The following CREB5 variants were observed in gnomAD, a reference collection of about 807,000 sequenced individuals.
CREB5 encodes cyclic AMP-responsive element-binding protein 5.
Under a neutral mutation model 57.1 loss-of-function variants are expected in CREB5, and 19 were observed. That is an observed-to-expected ratio of 0.33 (90% CI 0.23 to 0.49). The LOEUF (loss-of-function observed/expected upper bound fraction) is 0.49. Among genes scored for constraint, CREB5 ranks in the 20% least tolerant of loss-of-function variants. The pLI, the probability that CREB5 is intolerant of heterozygous loss-of-function variation, is 0.99. For synonymous variants in CREB5, 238 were observed against 238.3 expected (o/e 1.00, Z 0.01); for missense variants, 579 against 671.6 (o/e 0.86, Z 1.52).
chr7:28,527,223 G>A (rs1044457462), intron 4 of CREB5, among the ~76,000 whole-genome samples: 3 of 152,182 alleles, frequency 2.0e-5, no homozygotes, highest in African/African-American at 4.8e-5. Flanking sequence ...AAAGCTGAAA[G>A]ACCAACTCTT....
intron 4 of CREB5, among the ~76,000 whole-genome samples, chr7:28,508,501 AAAGACC>A (rs1792575088): frequency 6.6e-6 from 1 of 152,248 alleles, no homozygotes; most frequent in Admixed American, 6.5e-5. Flanking sequence ...GATTGAAAGG[AAAGACC>A]AGTTAGGTAG....
chr7:28,407,483 C>G (rs1358666619), intron 1 of CREB5, among the ~76,000 whole-genome samples: 1 of 149,768 alleles, frequency 6.7e-6, no homozygotes, highest in East Asian at 2.0e-4. Context: ...TGAATTCAGG[C>G]AGGCTGACAC....
intron 1 of CREB5, among the ~76,000 whole-genome samples, chr7:28,311,866 T>A (rs76207787): frequency 0.02 from 3,073 of 152,256 alleles, 70 homozygotes; most frequent in Admixed American, 0.056. Flanking sequence ...GTCTCTGCCG[T>A]CTGCACTCCT....
chr7:28,562,895 G>A (rs1188033640), intron 4 of CREB5, among the ~76,000 whole-genome samples: 1 of 152,160 alleles, frequency 6.6e-6, no homozygotes, highest in Non-Finnish European at 1.5e-5. Flanking sequence ...TTTCTACCAA[G>A]TCACTTTCTA....
At chr7:28,359,472 G>A (rs1039709822) in intron 1 of CREB5, among the ~76,000 whole-genome samples, 1 of 152,170 alleles carries the variant, frequency 6.6e-6, no homozygotes, top group Non-Finnish European at 1.5e-5. Context: ...AATGGGGAAA[G>A]GACAGTCTGT....
intron 7 of CREB5, among the ~76,000 whole-genome samples, chr7:28,747,562 C>T (rs1017582717): frequency 2.0e-5 from 3 of 152,168 alleles, no homozygotes; most frequent in African/African-American, 7.2e-5. Context: ...AGGGACTCAC[C>T]TTTCTGCTCC....
intron 5 of CREB5, among the ~76,000 whole-genome samples, chr7:28,651,049 A>AG (rs1328719955): frequency 1.3e-5 from 2 of 152,326 alleles, no homozygotes; most frequent in East Asian, 3.9e-4. Context: ...ATGGGAATAT[A>AG]AAGACAGTTC....
chr7:28,351,300 G>C (rs1786180209), intron 1 of CREB5, among the ~76,000 whole-genome samples: 1 of 152,096 alleles, frequency 6.6e-6, no homozygotes, highest in South Asian at 2.1e-4. Flanking sequence ...ATTAATAATA[G>C]ATTTTTCAAA....
intron 1 of CREB5, among the ~76,000 whole-genome samples, chr7:28,478,806 G>C (rs1196824634): frequency 1.3e-5 from 2 of 152,134 alleles, no homozygotes. Flanking sequence ...AATTTACCCA[G>C]AAAAAGCCAC....
intron 5 of CREB5, among the ~76,000 whole-genome samples, chr7:28,594,821 A>G (rs188402178): frequency 1.1e-4 from 17 of 152,224 alleles, no homozygotes; most frequent in African/African-American, 3.9e-4. Context: ...AGGCCCAGCT[A>G]ACCAAACCCC....
intron 4 of CREB5, among the ~76,000 whole-genome samples, chr7:28,559,691 C>T (rs1203270313): frequency 6.6e-6 from 1 of 152,218 alleles, no homozygotes; most frequent in Non-Finnish European, 1.5e-5. Context: ...AATTGTCTAT[C>T]AGTTGCTGTT....
intron 1 of CREB5, among the ~76,000 whole-genome samples, chr7:28,308,530 A>T (rs1464068571): frequency 6.6e-6 from 1 of 152,206 alleles, no homozygotes; most frequent in East Asian, 1.9e-4. Context: ...TAACTTATTC[A>T]AGTTAGCAAG....
intron 4 of CREB5, among the ~76,000 whole-genome samples, chr7:28,532,179 C>A (rs1044056186): frequency 6.6e-6 from 1 of 152,132 alleles, no homozygotes; most frequent in Non-Finnish European, 1.5e-5. Context: ...TGGAGAGGTC[C>A]ACGTGGCCAG....
At chr7:28,794,441 A>G in intron 7 of CREB5, among the ~76,000 whole-genome samples, 1 of 152,214 alleles carries the variant, frequency 6.6e-6, no homozygotes. Context: ...GGCAATCAAC[A>G]AATATTTATT....
At chr7:28,411,070 C>T (rs1298683041), upstream of CREB5, among the ~76,000 whole-genome samples, 1 of 152,178 alleles carries the variant, frequency 6.6e-6, no homozygotes. Context: ...CTGATCAGCG[C>T]GCAATCCGCC....
Position 28,820,612 on chromosome 7 carries a change from T to TTTTTC in CREB5, c.*1338_*1342dup, listed in dbSNP as rs1809711134. ...GAGGTGCAGGCTACTTCACTCTTTT[T>TTTTTC]TTTTCTTTTTTGAGACAGAGTCTCA... On this transcript the variant is annotated 3_prime_UTR_variant, in exon 11 of 11. Transcript: ENST00000357727. 6.6e-6 allele frequency: 1 copy of TTTTTC among 152,354 alleles called. No individual in the cohort carries two copies. The highest frequency in any genetic ancestry group is 1.5e-5 in the Non-Finnish European group (1 of 68,034). 9.4% of individuals were successfully genotyped at this position (152,354 alleles called of 1,614,324 possible).
intron 4 of CREB5, among the ~76,000 whole-genome samples, chr7:28,516,994 G>A (rs146514823): frequency 9.0e-4 from 137 of 152,280 alleles, no homozygotes; most frequent in Middle Eastern, 6.8e-3. Context: ...TGTCCTCCGC[G>A]AGGCCCTGCA....
chr7:28,500,908 C>T (rs1792248312), intron 3 of CREB5, among the ~76,000 whole-genome samples: 1 of 152,088 alleles, frequency 6.6e-6, no homozygotes, highest in Non-Finnish European at 1.5e-5. Flanking sequence ...TAACTTCCCA[C>T]CGTGTGTATT....
At chr7:28,434,534 C>G (rs1562713436) in intron 1 of CREB5, among the ~76,000 whole-genome samples, 1 of 151,800 alleles carries the variant, frequency 6.6e-6, no homozygotes. Context: ...CAAGAAGAGA[C>G]AATACAGAAA....
Sources: allele counts gnomAD v4.1 joint callset (sites outside exome capture counted in the v4.1 genomes callset), GRCh38; gene constraint gnomAD v4.1.1; transcripts MANE v1.5; gene names NCBI Gene and HGNC (gene_info 2026-07-23, HGNC 2026-07-21).